Variants in LAMA3 observed in about 807,000 individuals in gnomAD.
LAMA3 encodes laminin subunit alpha-3.
A neutral mutation model predicts 402.0 loss-of-function variants in LAMA3; 281 were observed. That is an observed-to-expected ratio of 0.70 (90% CI 0.63 to 0.77). LAMA3 has a LOEUF of 0.77. Among genes scored for constraint, LAMA3 ranks in the 30% least tolerant of loss-of-function variants. The pLI, the probability that LAMA3 is intolerant of heterozygous loss-of-function variation, is 0.00. For synonymous variants in LAMA3, 1,431 were observed against 1,558.4 expected (o/e 0.92, Z 1.93); for missense variants, 3,840 against 4,215.5 (o/e 0.91, Z 2.47).
At chr18:23,807,338 C>A (rs986377165) in intron 12 of LAMA3, among the ~76,000 whole-genome samples, 3 of 152,096 alleles carry the variant, frequency 2.0e-5, no homozygotes, top group African/African-American at 7.2e-5. Flanking sequence ...AATTCTGGTC[C>A]TCTAAGAATA....
chr18:23,922,847 G>A (rs2081887284), intron 62 of LAMA3, among the ~76,000 whole-genome samples: 1 of 152,194 alleles, frequency 6.6e-6, no homozygotes, highest in African/African-American at 2.4e-5. Context: ...GATTTATTGA[G>A]TGCCTAATGG....
At chr18:23,881,087 A>G (rs763164702) in intron 39 of LAMA3, among the ~76,000 whole-genome samples, 1 of 152,188 alleles carries the variant, frequency 6.6e-6, no homozygotes, top group Non-Finnish European at 1.5e-5. Flanking sequence ...GTGCATTTAG[A>G]TCTTTTTTGC....
rs148754378 is a variant in LAMA3, at chr18:23,854,418, G to A, written c.4137-3426G>A. 2.7e-3 allele frequency among the ~76,000 whole-genome samples: 416 copies of A among 151,882 alleles called. 3 individuals are homozygous for A. Among genetic ancestry groups the A allele is most frequent in the East Asian group, 0.027 (139 of 5,120 alleles). ...GCACTTTGGGAGGCCAAGTTGGGTG[G>A]ATAACGAGGTCAGGAGATCGAGACC... On this transcript the variant is annotated intron_variant, in intron 32 of 74. Transcript: ENST00000313654.
intron 55 of LAMA3, among the ~76,000 whole-genome samples, chr18:23,910,004 G>A (rs1403137442): frequency 1.3e-5 from 2 of 152,132 alleles, no homozygotes; most frequent in African/African-American, 2.4e-5. Context: ...TTCTAAGAAA[G>A]CAAAGTATTC....
At chr18:23,950,423 C>T (rs1457641379) in intron 72 of LAMA3, among the ~76,000 whole-genome samples, 2 of 152,212 alleles carry the variant, frequency 1.3e-5, no homozygotes, top group African/African-American at 2.4e-5. Flanking sequence ...AAGGATGTTA[C>T]TCAAGCTCTT....
chr18:23,908,268 T>C (rs1161523462), intron 54 of LAMA3, among the ~76,000 whole-genome samples: 1 of 148,424 alleles, frequency 6.7e-6, no homozygotes, highest in East Asian at 1.9e-4. Context: ...CTGTGGCTCA[T>C]GCCTGTAATC....
At chr18:23,774,210 G>A (rs1300968330) in intron 9 of LAMA3, among the ~76,000 whole-genome samples, 1 of 152,214 alleles carries the variant, frequency 6.6e-6, no homozygotes, top group East Asian at 1.9e-4. Flanking sequence ...ATGACAGAGT[G>A]AGACTCTGTC....
intron 13 of LAMA3, among the ~76,000 whole-genome samples, chr18:23,812,158 C>A (rs373897709): frequency 1.6e-4 from 25 of 152,296 alleles, no homozygotes; most frequent in African/African-American, 5.1e-4. Flanking sequence ...CAGGCGTGAG[C>A]CACCACTCCC....
chr18:23,735,073 A>G (rs980682997), intron 2 of LAMA3, among the ~76,000 whole-genome samples: 6 of 152,232 alleles, frequency 3.9e-5, no homozygotes, highest in African/African-American at 1.4e-4. Context: ...AATCTCAAGT[A>G]CTGACTGCCA....
intron 2 of LAMA3, among the ~76,000 whole-genome samples, chr18:23,723,625 G>A (rs1391139475): frequency 6.6e-6 from 1 of 152,110 alleles, no homozygotes; most frequent in Non-Finnish European, 1.5e-5. Context: ...ATCTCACAGT[G>A]TATGTCAGCT....
intron 69 of LAMA3, among the ~76,000 whole-genome samples, chr18:23,944,938 G>T (rs534562525): frequency 1.6e-4 from 25 of 152,272 alleles, no homozygotes; most frequent in South Asian, 1.5e-3. Context: ...TTCGAGACCA[G>T]CCCGACCAAC....
intron 12 of LAMA3, among the ~76,000 whole-genome samples, chr18:23,785,577 A>G (rs2062527812): frequency 6.6e-6 from 1 of 152,188 alleles, no homozygotes; most frequent in South Asian, 2.1e-4. Context: ...TAAGTTAGCT[A>G]TTCACTTGCA....
intron 39 of LAMA3, among the ~76,000 whole-genome samples, chr18:23,881,374 A>G (rs1185931914): frequency 1.3e-5 from 2 of 152,228 alleles, no homozygotes; most frequent in African/African-American, 4.8e-5. Context: ...TTAAGAACTC[A>G]TTTCAATAAT....
Position 23,912,899 on chromosome 18 carries a change from A to AG in LAMA3, c.7329+18_7329+19insG. The stretch of plus-strand genomic sequence containing the variant: ...ATAAAGATGTAAGTATTGCTTGGAC[A>AG]TCTCTCTTGTTTTTGAAACAATGTT... On this transcript the variant is annotated intron_variant, in intron 56 of 74. Coordinates refer to ENST00000313654, the MANE Select transcript of LAMA3 (RefSeq NM_198129.4). 1 of 1,608,064 alleles carries AG rather than the reference A, an allele frequency of 6.2e-7. No homozygotes were observed. The highest frequency in any genetic ancestry group is 8.5e-7 in the Non-Finnish European group (1 of 1,175,674).
intron 13 of LAMA3, among the ~76,000 whole-genome samples, chr18:23,811,265 G>T (rs1719331466): frequency 6.6e-6 from 1 of 152,190 alleles, no homozygotes. Context: ...AGTAGCTCTT[G>T]TCAATTTCGG....
chr18:23,718,050 T>C (rs2061141223), intron 2 of LAMA3, among the ~76,000 whole-genome samples: 1 of 152,196 alleles, frequency 6.6e-6, no homozygotes, highest in African/African-American at 2.4e-5. Flanking sequence ...TTGTATCATC[T>C]GGCCAGATAT....
chr18:23,784,735 G>A (rs565293155), intron 12 of LAMA3, among the ~76,000 whole-genome samples: 126 of 152,212 alleles, frequency 8.3e-4, no homozygotes, highest in African/African-American at 3.0e-3. Context: ...AGCATGGCAG[G>A]TATGCACTCA....
chr18:23,863,988 A>C (rs2064288679), intron 35 of LAMA3, among the ~76,000 whole-genome samples: 1 of 152,144 alleles, frequency 6.6e-6, no homozygotes, highest in African/African-American at 2.4e-5. Flanking sequence ...AACTCACAAT[A>C]ATTTGGGAAA....
chr18:23,953,766 T>TA (rs1174322398), intron 74 of LAMA3, among the ~76,000 whole-genome samples: 4 of 152,216 alleles, frequency 2.6e-5, no homozygotes, highest in Admixed American at 2.6e-4. Flanking sequence ...TTAGTTTTAC[T>TA]AGTGAGTTAT....
Sources: gnomAD v4.1 joint callset for allele counts (sites outside exome capture counted in the v4.1 genomes callset) on GRCh38, gnomAD v4.1.1 for gene constraint, MANE v1.5 for transcripts, NCBI Gene and HGNC (gene_info 2026-07-23, HGNC 2026-07-21) for gene names.